The following RBFOX1 variants were observed in gnomAD, a reference collection of about 807,000 sequenced individuals.
RBFOX1 encodes the protein RNA binding fox-1 homolog 1.
Under a neutral mutation model 57.7 loss-of-function variants are expected in RBFOX1, and 8 were observed. The ratio of observed to expected loss-of-function variants is 0.14; its 90% CI spans 0.08 to 0.25. The LOEUF is 0.25. RBFOX1 is among the 10% of genes least tolerant of loss of function. The probability of loss-of-function intolerance (pLI) is 1.00; values close to 1 mark genes in which losing one functional copy is unlikely to be tolerated. For missense variants in RBFOX1, 611 were observed against 548.5 expected (o/e 1.11, Z -1.14); for synonymous variants, 326 against 222.4 (o/e 1.47, Z -4.15).
chr16:6,869,475 T>G lies in RBFOX1; in HGVS notation c.-15-182582T>G, dbSNP rs927255347. 6.0e-3 allele frequency among the ~76,000 whole-genome samples: 882 copies of G among 147,000 alleles called. 14 individuals carry two copies. Among genetic ancestry groups the G allele is most frequent in the African/African-American group, 0.022 (834 of 37,952 alleles). The stretch of plus-strand genomic sequence containing the variant: ...AGTTCCCTTACTGTCTTTTGAGGTT[T>G]TTTTTTTTTAATGTAAATGCCCTGA... On this transcript the variant is annotated intron_variant, in intron 3 of 15. Transcript: ENST00000550418.
chr16:6,069,704 T>C (rs1436136499), intron 1 of RBFOX1, among the ~76,000 whole-genome samples: 1 of 152,016 alleles, frequency 6.6e-6, no homozygotes, highest in African/African-American at 2.4e-5. Flanking sequence ...AGAAGAAAAT[T>C]GGCTGGGTGA....
intron 1 of RBFOX1, among the ~76,000 whole-genome samples, chr16:5,288,504 A>T (rs1190749129): frequency 6.6e-6 from 1 of 152,180 alleles, no homozygotes; most frequent in Non-Finnish European, 1.5e-5. Flanking sequence ...GTCACATTAA[A>T]AAAACAAAAG....
chr16:6,500,363 C>T (rs551524512), intron 2 of RBFOX1, among the ~76,000 whole-genome samples: 1 of 152,148 alleles, frequency 6.6e-6, no homozygotes, highest in Admixed American at 6.5e-5. Flanking sequence ...CACATACACA[C>T]ACACACACTC....
intron 1 of RBFOX1, among the ~76,000 whole-genome samples, chr16:6,104,082 C>T (rs1009884328): frequency 9.9e-5 from 15 of 151,902 alleles, no homozygotes; most frequent in Admixed American, 2.0e-4. Context: ...TCCTGAATAG[C>T]AACAGTCATA....
chr16:7,402,607 A>C (rs2098263879), intron 4 of RBFOX1, among the ~76,000 whole-genome samples: 1 of 152,148 alleles, frequency 6.6e-6, no homozygotes, highest in African/African-American at 2.4e-5. Context: ...CCTTATGCAT[A>C]ATTTGAATAT....
intron 1 of RBFOX1, among the ~76,000 whole-genome samples, chr16:6,085,951 G>A (rs1045057700): frequency 6.6e-6 from 1 of 152,018 alleles, no homozygotes; most frequent in Non-Finnish European, 1.5e-5. Flanking sequence ...ACATGCATTA[G>A]CCATTTATCC....
chr16:7,211,829 C>A (rs2091200653), intron 4 of RBFOX1, among the ~76,000 whole-genome samples: 1 of 152,124 alleles, frequency 6.6e-6, no homozygotes. Context: ...TTATCCCCCG[C>A]CCTTAGCACG....
intron 2 of RBFOX1, among the ~76,000 whole-genome samples, chr16:6,612,092 C>T (rs945815573): frequency 6.6e-6 from 1 of 152,152 alleles, no homozygotes; most frequent in Non-Finnish European, 1.5e-5. Context: ...AACAACCCTC[C>T]CCTCTTGCAT....
At chr16:7,324,413 A>G (rs1307353259) in intron 4 of RBFOX1, among the ~76,000 whole-genome samples, 2 of 152,238 alleles carry the variant, frequency 1.3e-5, no homozygotes, top group Admixed American at 6.5e-5. Context: ...GAGTGCACAA[A>G]GAAAAGTCCA....
chr16:6,618,509 G>A lies in RBFOX1; in HGVS notation c.-63-36094G>A, dbSNP rs1657710757. On this transcript the variant is annotated intron_variant, in intron 2 of 15. Transcript: ENST00000550418. ...ATGTTCATTATACATTTACCACTAG[G>A]CGTTTAATGTGGATTTTGCTTATAA... is the stretch of plus-strand genomic sequence containing the variant. Among the ~76,000 whole-genome samples, 3 of 152,158 alleles carry A rather than the reference G, an allele frequency of 2.0e-5. No homozygotes were observed. The South Asian group carries it at 6.2e-4, about 32-fold the overall frequency.
At chr16:5,656,229 A>G (rs1370412052) in intron 3 of RBFOX1, among the ~76,000 whole-genome samples, 3 of 152,208 alleles carry the variant, frequency 2.0e-5, no homozygotes, top group Admixed American at 6.5e-5. Context: ...TTCTTATTTT[A>G]TAAAGTGTGA....
chr16:6,227,279 A>T (rs1309625867), intron 1 of RBFOX1, among the ~76,000 whole-genome samples: 1 of 152,146 alleles, frequency 6.6e-6, no homozygotes, highest in South Asian at 2.1e-4. Context: ...TGATTCAGTG[A>T]TTCTAAAACG....
At chr16:6,999,538 C>CA (rs1006091827) in intron 3 of RBFOX1, among the ~76,000 whole-genome samples, 19 of 151,510 alleles carry the variant, frequency 1.3e-4, no homozygotes, top group Admixed American at 7.2e-4. Context: ...TGAAAAATTT[C>CA]AAAAAAACAC....
At chr16:6,447,143 T>C (rs1289049726) in intron 2 of RBFOX1, among the ~76,000 whole-genome samples, 1 of 152,210 alleles carries the variant, frequency 6.6e-6, no homozygotes, top group African/African-American at 2.4e-5. Context: ...TCATGGTCTA[T>C]TGGACTTTTT....
At chr16:7,434,220 C>T (rs11648362) in intron 4 of RBFOX1, among the ~76,000 whole-genome samples, 87,917 of 151,946 alleles carry the variant, frequency 0.58, 30,065 homozygotes, top group Non-Finnish European at 0.77. Context: ...GGCTATAATC[C>T]CCGCATTTTG....
intron 2 of RBFOX1, among the ~76,000 whole-genome samples, chr16:6,584,524 C>T (rs1472637785): frequency 1.3e-5 from 2 of 151,928 alleles, no homozygotes; most frequent in African/African-American, 4.8e-5. Flanking sequence ...TTCCCCACCA[C>T]ACCCAGCTAA....
At chr16:5,994,043 C>T (rs1041966985) in intron 4 of RBFOX1, among the ~76,000 whole-genome samples, 2 of 152,166 alleles carry the variant, frequency 1.3e-5, no homozygotes, top group African/African-American at 4.8e-5. Flanking sequence ...ATCATGTCTG[C>T]ACAAAGAGTT....
chr16:6,989,661 G>GA (rs1270051121), intron 3 of RBFOX1, among the ~76,000 whole-genome samples: 1 of 152,148 alleles, frequency 6.6e-6, no homozygotes, highest in Non-Finnish European at 1.5e-5. Flanking sequence ...CAAAGGAACA[G>GA]AAGCTACTTG....
chr16:7,204,175 C>T (rs574551872), intron 4 of RBFOX1, among the ~76,000 whole-genome samples: 1 of 152,190 alleles, frequency 6.6e-6, no homozygotes, highest in Non-Finnish European at 1.5e-5. Flanking sequence ...CTCAGAGTAA[C>T]CATTCATTCC....
Sources: allele counts gnomAD v4.1 joint callset (sites outside exome capture counted in the v4.1 genomes callset), GRCh38; gene constraint gnomAD v4.1.1; transcripts MANE v1.5; gene names NCBI Gene and HGNC (gene_info 2026-07-23, HGNC 2026-07-21).